Variants in MAML3 observed in about 807,000 individuals in gnomAD.
MAML3 encodes the protein mastermind like transcriptional coactivator 3.
In MAML3, 27 loss-of-function variants were observed where a neutral mutation model predicts 101.9. The observed-to-expected ratio is 0.27, with a 90% confidence interval of 0.20 to 0.37. The LOEUF is 0.37. Ranked by LOEUF, MAML3 falls within the 10% of genes least tolerant of loss-of-function variation. The pLI, the probability that MAML3 is intolerant of heterozygous loss-of-function variation, is 1.00. For missense variants in MAML3, 1,316 were observed against 1,444.9 expected (o/e 0.91, Z 1.45); for synonymous variants, 501 against 555.9 (o/e 0.90, Z 1.39).
chr4:139,814,510 G>A lies in MAML3; in HGVS notation c.2079+74847C>T, dbSNP rs137880370. 2.3e-3 allele frequency among the ~76,000 whole-genome samples: 354 copies of A among 152,282 alleles called. 4 individuals are homozygous for A. Among genetic ancestry groups the A allele is most frequent in the African/African-American group, 2.1e-3 (86 of 41,556 alleles). On this transcript the variant is annotated intron_variant, in intron 2 of 4. Coordinates refer to ENST00000509479, the MANE Select transcript of MAML3 (RefSeq NM_018717.5). The stretch of plus-strand genomic sequence containing the variant: ...CCATCCCGAGAGGGTTTCCTGTCAC[G>A]GGGGACGATTTCAAAACTCCCAGCA...
chr4:139,853,132 C>G (rs899983299), intron 2 of MAML3, among the ~76,000 whole-genome samples: 8 of 152,184 alleles, frequency 5.3e-5, no homozygotes, highest in African/African-American at 1.9e-4. Context: ...GCCCTAGTAT[C>G]CACACATTCC....
intron 1 of MAML3, among the ~76,000 whole-genome samples, chr4:140,101,923 A>G (rs1171102850): frequency 6.6e-6 from 1 of 151,770 alleles, no homozygotes; most frequent in Non-Finnish European, 1.5e-5. Context: ...ACACTAAAAT[A>G]TATGGAGAAT....
rs146361615 is a variant in MAML3, at chr4:140,006,052, T to C, written c.469-115085A>G. Among the ~76,000 whole-genome samples, 12 of 152,332 alleles carry C rather than the reference T, an allele frequency of 7.9e-5. No individual in the cohort carries two copies. In the East Asian group the frequency reaches 2.1e-3, roughly 27 times the overall value. ...CTGACCTTGAATTTCGGGGGTTCTA[T>C]AGTCATCTTTTGTTTGGAGGCTGCC... On this transcript the variant is annotated intron_variant, in intron 1 of 4. Transcript: ENST00000509479.
In MAML3 at chr4:139,850,911, AAAAAAGAG is replaced by A. The variant is rs547030720; in HGVS notation, c.2079+38438_2079+38445del. Among the ~76,000 whole-genome samples the A allele has an allele frequency of 4.2e-4, 64 of 151,984 alleles. 1 individual carries two copies. The Middle Eastern group carries it at 0.01, about 24-fold the overall frequency. On this transcript the variant is annotated intron_variant, in intron 2 of 4. Transcript: ENST00000509479. Reference sequence around the variant, plus strand: ...AGGATTATTTGCAAGATTAAAAAAAAAAAAAGAGAGAGAGAGCCCTCTACCAAAATGTA... The same window carrying A: ...AGGATTATTTGCAAGATTAAAAAAAAAGAGAGAGCCCTCTACCAAAATGTA...
rs147742168 is a variant in MAML3, at chr4:140,138,586, G to T, written c.468+14274C>A. Among the ~76,000 whole-genome samples the T allele has an allele frequency of 3.1e-3, 471 of 152,278 alleles. 2 individuals are homozygous for T. The highest frequency in any genetic ancestry group is 0.01 in the East Asian group (54 of 5,180). The stretch of plus-strand genomic sequence containing the variant: ...GCTGATCTGCACACACCACCGTGAG[G>T]AAATACCTTAAGTGATTAAAGACAA... On this transcript the variant is annotated intron_variant, in intron 1 of 4. Transcript: ENST00000509479.
intron 1 of MAML3, among the ~76,000 whole-genome samples, chr4:140,009,812 G>C (rs1016202072): frequency 6.6e-6 from 1 of 152,190 alleles, no homozygotes; most frequent in Non-Finnish European, 1.5e-5. Context: ...ATAAGAATCT[G>C]GGAAGGTACT....
At chr4:139,763,689 G>A (rs1328423260) in intron 2 of MAML3, among the ~76,000 whole-genome samples, 1 of 152,198 alleles carries the variant, frequency 6.6e-6, no homozygotes, top group Non-Finnish European at 1.5e-5. Context: ...TAGCCTCAGT[G>A]TGCTTGCAGG....
Position 140,030,932 on chromosome 4 carries a change from A to T in MAML3, c.468+121928T>A, listed in dbSNP as rs148763096. Among the ~76,000 whole-genome samples, 92 of 152,350 alleles carry T rather than the reference A, an allele frequency of 6.0e-4. No homozygotes were observed. In the Middle Eastern group the frequency reaches 0.017, roughly 28 times the overall value. ...AAACTCAGAAATTACAGAGGTTGGT[A>T]ACACAGCATCAGCATATAATACCGT... is the stretch of plus-strand genomic sequence containing the variant. On this transcript the variant is annotated intron_variant, in intron 1 of 4. Transcript: ENST00000509479.
intron 2 of MAML3, among the ~76,000 whole-genome samples, chr4:139,811,207 T>A (rs760121284): frequency 1.3e-5 from 2 of 152,190 alleles, no homozygotes; most frequent in Non-Finnish European, 2.9e-5. Flanking sequence ...TTCTAACATA[T>A]AAACAAAGCA....
chr4:139,849,320 A>C (rs1731507954), intron 2 of MAML3, among the ~76,000 whole-genome samples: 1 of 152,204 alleles, frequency 6.6e-6, no homozygotes, highest in Non-Finnish European at 1.5e-5. Flanking sequence ...CCAGAGACTA[A>C]GTGGTTAAAA....
intron 2 of MAML3, among the ~76,000 whole-genome samples, chr4:139,856,269 C>CA (rs577005297): frequency 4.5e-4 from 68 of 152,228 alleles, no homozygotes; most frequent in African/African-American, 1.6e-3. Context: ...TTAGTGCAGT[C>CA]AAAAAATATT....
intron 1 of MAML3, among the ~76,000 whole-genome samples, chr4:140,023,899 C>A (rs1343692777): frequency 6.6e-6 from 1 of 152,170 alleles, no homozygotes; most frequent in Non-Finnish European, 1.5e-5. Context: ...TCACCTTTTA[C>A]TTTTATTTAC....
Position 139,996,837 on chromosome 4 carries a change from G to T in MAML3, c.469-105870C>A, listed in dbSNP as rs867062037. On this transcript the variant is annotated intron_variant, in intron 1 of 4. Coordinates refer to ENST00000509479, the MANE Select transcript of MAML3 (RefSeq NM_018717.5). ...GCACTTTGGGAGGCCGAGGAGGGCGGATCACGAGGTCACAAAATCGAGACC... is the reference window on the plus strand; with the variant it reads ...GCACTTTGGGAGGCCGAGGAGGGCGTATCACGAGGTCACAAAATCGAGACC... Among the ~76,000 whole-genome samples, 123 of 151,906 alleles carry T rather than the reference G, an allele frequency of 8.1e-4. No homozygotes were observed. The Middle Eastern group carries it at 0.017, about 21-fold the overall frequency.
chr4:139,807,743 T>C (rs1215966061), intron 2 of MAML3, among the ~76,000 whole-genome samples: 17 of 152,214 alleles, frequency 1.1e-4, no homozygotes, highest in Admixed American at 1.1e-3. Flanking sequence ...AGATCACTGG[T>C]GTCAAATAAG....
chr4:140,022,239 A>G (rs1726744246), intron 1 of MAML3, among the ~76,000 whole-genome samples: 1 of 152,232 alleles, frequency 6.6e-6, no homozygotes, highest in Non-Finnish European at 1.5e-5. Context: ...TACTTTTAAA[A>G]TCACTATGGG....
chr4:139,906,124 ATT>A (rs1216133799), intron 1 of MAML3, among the ~76,000 whole-genome samples: 1 of 152,102 alleles, frequency 6.6e-6, no homozygotes, highest in Non-Finnish European at 1.5e-5. Flanking sequence ...GTATTTACTT[ATT>A]TTGAGATGGG....
chr4:139,736,072 A>C (rs1321834019), intron 2 of MAML3, among the ~76,000 whole-genome samples: 1 of 152,134 alleles, frequency 6.6e-6, no homozygotes, highest in African/African-American at 2.4e-5. Flanking sequence ...ATAAACAAAA[A>C]GGATGCCCCA....
intron 2 of MAML3, among the ~76,000 whole-genome samples, chr4:139,788,580 A>C (rs1560794475): frequency 6.6e-6 from 1 of 152,182 alleles, no homozygotes; most frequent in Admixed American, 6.5e-5. Context: ...GGTGCCTACC[A>C]TTGTCCCTAT....
intron 1 of MAML3, among the ~76,000 whole-genome samples, chr4:140,070,535 G>A (rs1379452910): frequency 6.6e-6 from 1 of 152,156 alleles, no homozygotes; most frequent in Admixed American, 6.5e-5. Context: ...CAAAGAAAAG[G>A]CAGACAAACT....
Sources: gnomAD v4.1 joint callset for allele counts (sites outside exome capture counted in the v4.1 genomes callset) on GRCh38, gnomAD v4.1.1 for gene constraint, MANE v1.5 for transcripts, NCBI Gene and HGNC (gene_info 2026-07-23, HGNC 2026-07-21) for gene names.